GALNT17: variants seen among roughly 807,000 people sequenced by gnomAD.
GALNT17 encodes the protein UDP-GalNAc:polypeptide N-acetylgalactosaminyltransferase-like 3.
GALNT17 carries 29 observed loss-of-function variants against 63.7 expected under a neutral mutation model. The ratio of observed to expected loss-of-function variants is 0.46; its 90% CI spans 0.34 to 0.62. The LOEUF is 0.62. GALNT17 is among the 20% of genes least tolerant of loss of function. The probability of loss-of-function intolerance (pLI) is 0.01; values close to 1 mark genes in which losing one functional copy is unlikely to be tolerated. For missense variants in GALNT17, 603 were observed against 799.6 expected (o/e 0.75, Z 2.97); for synonymous variants, 305 against 318.3 (o/e 0.96, Z 0.45).
intron 1 of GALNT17, 28 bp from the exon 2 acceptor site, chr7:71,335,522 T>C (rs745678104): frequency 9.9e-6 from 15 of 1,522,712 alleles, no homozygotes; most frequent in Non-Finnish European, 1.3e-5. Context: ...GGTTTTCTAA[T>C]AATTCTTTTT....
chr7:71,609,899 A>G (rs1790100044), intron 6 of GALNT17, among the ~76,000 whole-genome samples: 1 of 152,134 alleles, frequency 6.6e-6, no homozygotes. Context: ...GAAAAGTATA[A>G]TTAGGCTCAA....
At chr7:71,388,110 A>G in intron 2 of GALNT17, 125 bp from the exon 3 acceptor site, 2 of 968,250 alleles carry the variant, frequency 2.1e-6, no homozygotes, top group Non-Finnish European at 3.1e-6. Flanking sequence ...GCCTAAGGGA[A>G]CCAGTGATTC....
intron 2 of GALNT17, among the ~76,000 whole-genome samples, chr7:71,352,688 TAAG>T (rs1207906660): frequency 3.3e-5 from 5 of 152,116 alleles, no homozygotes; most frequent in Non-Finnish European, 7.4e-5. Flanking sequence ...CTGAGATCAC[TAAG>T]GAGAGAGAGC....
At chr7:71,592,531 TAA>T (rs1789819790) in intron 6 of GALNT17, among the ~76,000 whole-genome samples, 1 of 99,336 alleles carries the variant, frequency 1.0e-5, no homozygotes. Flanking sequence ...TAAAATAAAA[TAA>T]AATAAAATAA....
intron 5 of GALNT17, among the ~76,000 whole-genome samples, chr7:71,497,360 C>T (rs1057021160): frequency 6.6e-6 from 1 of 152,130 alleles, no homozygotes; most frequent in Non-Finnish European, 1.5e-5. Context: ...ATGCAAGCAG[C>T]GTTGGTTCTT....
intron 1 of GALNT17, among the ~76,000 whole-genome samples, chr7:71,158,109 A>G (rs1211795664): frequency 5.3e-5 from 8 of 150,230 alleles, no homozygotes; most frequent in African/African-American, 2.0e-4. Flanking sequence ...TATCTCTTTG[A>G]TATATTGATT....
At chr7:71,297,815 A>G (rs1391703175) in intron 1 of GALNT17, among the ~76,000 whole-genome samples, 1 of 152,228 alleles carries the variant, frequency 6.6e-6, no homozygotes, top group Non-Finnish European at 1.5e-5. Context: ...TATCTTGTAG[A>G]ATAAAATAAG....
chr7:71,429,893 G>C (rs1367250877), intron 5 of GALNT17, among the ~76,000 whole-genome samples: 1 of 152,212 alleles, frequency 6.6e-6, no homozygotes, highest in Non-Finnish European at 1.5e-5. Context: ...TTTTAGTAGA[G>C]ATAAGGTTTT....
chr7:71,346,358 G>T (rs533430827), intron 2 of GALNT17, among the ~76,000 whole-genome samples: 11 of 152,224 alleles, frequency 7.2e-5, no homozygotes, highest in African/African-American at 2.4e-4. Context: ...ATGCTTAGGA[G>T]TGTCCCTGAA....
At chr7:71,396,813 A>G (rs1474754370) in intron 3 of GALNT17, among the ~76,000 whole-genome samples, 2 of 152,134 alleles carry the variant, frequency 1.3e-5, no homozygotes, top group African/African-American at 4.8e-5. Context: ...AGTTTTCAGT[A>G]TACACATTTT....
intron 1 of GALNT17, among the ~76,000 whole-genome samples, chr7:71,244,943 C>A (rs1196726775): frequency 6.6e-6 from 1 of 151,452 alleles, no homozygotes; most frequent in Non-Finnish European, 1.5e-5. Flanking sequence ...GAGCGAGACC[C>A]TATCTCCAGA....
At chr7:71,366,797 G>A (rs1792519358) in intron 2 of GALNT17, among the ~76,000 whole-genome samples, 1 of 152,072 alleles carries the variant, frequency 6.6e-6, no homozygotes, top group Non-Finnish European at 1.5e-5. Context: ...GTACATGAGT[G>A]GCCTTCCTCA....
intron 5 of GALNT17, among the ~76,000 whole-genome samples, chr7:71,493,109 T>C (rs186119663): frequency 2.6e-4 from 40 of 152,370 alleles, no homozygotes; most frequent in African/African-American, 9.4e-4. Context: ...ACTGTCAGGC[T>C]GGGGACACAG....
chr7:71,188,996 CAAG>C (rs1167971073), intron 1 of GALNT17, among the ~76,000 whole-genome samples: 5 of 152,122 alleles, frequency 3.3e-5, no homozygotes, highest in Non-Finnish European at 5.9e-5. Flanking sequence ...GGTTTCAAAA[CAAG>C]AAGGAGGGGA....
At chr7:71,200,552 G>C (rs1295674670) in intron 1 of GALNT17, among the ~76,000 whole-genome samples, 1 of 152,124 alleles carries the variant, frequency 6.6e-6, no homozygotes, top group Non-Finnish European at 1.5e-5. Flanking sequence ...TCAAAAACTT[G>C]AGTTATAAAC....
intron 5 of GALNT17, among the ~76,000 whole-genome samples, chr7:71,467,150 G>A (rs2116600911): frequency 6.6e-6 from 1 of 152,180 alleles, no homozygotes; most frequent in East Asian, 1.9e-4. Context: ...ACTGACCCCT[G>A]CTTTGTCTTT....
At chr7:71,308,761 T>C (rs1290595173) in intron 1 of GALNT17, among the ~76,000 whole-genome samples, 1 of 151,442 alleles carries the variant, frequency 6.6e-6, no homozygotes, top group Non-Finnish European at 1.5e-5. Flanking sequence ...TTTTTTTTTT[T>C]GAAACAGAGT....
At chr7:71,343,308 T>TTTTAAGAAGC (rs1243993166) in intron 2 of GALNT17, among the ~76,000 whole-genome samples, 1 of 152,210 alleles carries the variant, frequency 6.6e-6, no homozygotes. Flanking sequence ...TCTCACAAGT[T>TTTTAAGAAGC]TTTAAGAAGC....
At chr7:71,653,627 G>T (rs1459711467) in intron 6 of GALNT17, among the ~76,000 whole-genome samples, 3 of 150,988 alleles carry the variant, frequency 2.0e-5, no homozygotes, top group Non-Finnish European at 4.4e-5. Flanking sequence ...GGCTGGTCTC[G>T]AACTCCTGAC....
Sources: gnomAD v4.1 joint callset for allele counts (sites outside exome capture counted in the v4.1 genomes callset) on GRCh38, gnomAD v4.1.1 for gene constraint, MANE v1.5 for transcripts, NCBI Gene and HGNC (gene_info 2026-07-23, HGNC 2026-07-21) for gene names.